Variants in ATP10B observed in about 807,000 individuals in gnomAD.
The protein encoded by ATP10B is phospholipid-transporting ATPase VB.
In ATP10B, 122 loss-of-function variants were observed where a neutral mutation model predicts 141.2. The ratio of observed to expected loss-of-function variants is 0.86; its 90% CI spans 0.75 to 1.00. The LOEUF is 1.00. Ranked by LOEUF, ATP10B falls within the 50% of genes least tolerant of loss-of-function variation. The probability of loss-of-function intolerance (pLI) is 0.00; values close to 1 mark genes in which losing one functional copy is unlikely to be tolerated. For missense variants in ATP10B, 1,876 were observed against 1,825.3 expected, an observed-to-expected ratio of 1.03 and a Z score of -0.51; for synonymous variants, 685 against 692.0, an observed-to-expected ratio of 0.99 and a Z score of 0.16.
chr5:160,674,657 A>AG lies in ATP10B; in HGVS notation c.471-3991dup, dbSNP rs1353232920. On this transcript the variant is annotated intron_variant, in intron 6 of 25. Coordinates refer to ENST00000327245, the MANE Select transcript of ATP10B (RefSeq NM_025153.3). ...GCCTTCCCCAAGACAGAGATAGCCC[A>AG]GTTCCAGGGTTGAGCTTCTCAAACA... Among the ~76,000 whole-genome samples, 4 of 152,256 alleles carry AG rather than the reference A, an allele frequency of 2.6e-5. No individual in the cohort carries two copies. The East Asian group carries it at 7.7e-4, about 29-fold the overall frequency.
rs1762616003 is a variant in ATP10B at position 160,670,541 on chromosome 5, T to C, written c.597A>G (p.Ile199Met). ...CCAAGCTGGCAGTTTCCAGATGGCA[T>C]ATCCCATTGGGGTCAGAGGAAAAAA... ...LLLFSSDPNG[I>M]CHLETASLDG... Residue 199 changes from isoleucine to methionine, a missense_variant, in exon 7 of 26, where the codon ATA (isoleucine) becomes ATG (methionine). Physicochemically the swap from Ile to Met is conservative, Grantham distance 10. Transcript: ENST00000327245. The C allele has an allele frequency of 1.2e-6, 2 of 1,614,020 alleles. No individual in the cohort carries two copies. The highest frequency in any genetic ancestry group is 1.7e-6 in the Non-Finnish European group (2 of 1,179,968).
chr5:160,910,652 G>C, the ATP10B span, among the ~76,000 whole-genome samples: 11 of 152,156 alleles, frequency 7.2e-5, no homozygotes, highest in African/African-American at 2.7e-4. Context: ...TATTTTACTA[G>C]TAAGATAATC....
intron 1 of ATP10B, among the ~76,000 whole-genome samples, chr5:160,792,402 C>T (rs986322324): frequency 9.9e-5 from 15 of 152,136 alleles, no homozygotes; most frequent in Non-Finnish European, 5.9e-5. Context: ...GTTGGTTGTG[C>T]AGCTAGAGAC....
the ATP10B span, among the ~76,000 whole-genome samples, chr5:160,866,636 T>C: frequency 0.013 from 1,929 of 152,184 alleles, 18 homozygotes; most frequent in Non-Finnish European, 0.019. Flanking sequence ...ATCACACCAT[T>C]GCACTCCAGC....
intron 7 of ATP10B, among the ~76,000 whole-genome samples, chr5:160,652,735 T>C (rs1490970377): frequency 8.0e-6 from 1 of 125,114 alleles, no homozygotes; most frequent in East Asian, 2.2e-4. Flanking sequence ...TATATACATA[T>C]ATTTATGTAC....
intron 1 of ATP10B, among the ~76,000 whole-genome samples, chr5:160,818,207 C>A (rs1038293598): frequency 5.3e-5 from 8 of 152,170 alleles, no homozygotes; most frequent in African/African-American, 1.9e-4. Flanking sequence ...TCAGTGTAAA[C>A]AGGCAACCTA....
the ATP10B span, among the ~76,000 whole-genome samples, chr5:160,876,638 G>T: frequency 1.3e-5 from 2 of 151,826 alleles, no homozygotes; most frequent in South Asian, 2.1e-4. Flanking sequence ...TAGACTGCTA[G>T]CAAGACTAAT....
chr5:160,735,267 T>C (rs1405503842), intron 2 of ATP10B, among the ~76,000 whole-genome samples: 1 of 151,670 alleles, frequency 6.6e-6, no homozygotes, highest in Non-Finnish European at 1.5e-5. Context: ...GCTTCACTTA[T>C]AAAGATACAT....
chr5:160,659,380 T>G (rs1761741174), intron 7 of ATP10B, among the ~76,000 whole-genome samples: 1 of 151,872 alleles, frequency 6.6e-6, no homozygotes, highest in African/African-American at 2.4e-5. Context: ...CAGGAGAATC[T>G]TTTGAACCCA....
intron 24 of ATP10B, among the ~76,000 whole-genome samples, chr5:160,582,976 C>T (rs1028812074): frequency 2.0e-5 from 3 of 152,144 alleles, no homozygotes; most frequent in Non-Finnish European, 4.4e-5. Context: ...TTAGCCATCC[C>T]TCTAATCTTT....
At chr5:160,865,917 A>G in the ATP10B span, among the ~76,000 whole-genome samples, 3 of 152,104 alleles carry the variant, frequency 2.0e-5, no homozygotes, top group Admixed American at 6.6e-5. Context: ...AAAACAATAG[A>G]TGTTGGTGTG....
At chr5:160,777,029 A>G (rs369077633) in intron 2 of ATP10B, among the ~76,000 whole-genome samples, 4 of 152,186 alleles carry the variant, frequency 2.6e-5, no homozygotes, top group African/African-American at 9.7e-5. Context: ...CCTGAGCCAG[A>G]CCCTGCCTCC....
the ATP10B span, among the ~76,000 whole-genome samples, chr5:160,878,502 A>G: frequency 6.6e-6 from 1 of 152,206 alleles, no homozygotes; most frequent in South Asian, 2.1e-4. Flanking sequence ...AAAACACCAA[A>G]AGCAATGGCA....
At chr5:160,874,235 C>T in the ATP10B span, among the ~76,000 whole-genome samples, 2 of 146,316 alleles carry the variant, frequency 1.4e-5, no homozygotes, top group Non-Finnish European at 3.0e-5. Flanking sequence ...CCCCTGACCC[C>T]TGAGCAGGCT....
chr5:160,818,256 A>T (rs1032652051), intron 1 of ATP10B, among the ~76,000 whole-genome samples: 1 of 152,248 alleles, frequency 6.6e-6, no homozygotes, highest in African/African-American at 2.4e-5. Flanking sequence ...CTCATCTGAC[A>T]AGGGGCTAAT....
At chr5:160,793,299 G>A (rs1190711846) in intron 1 of ATP10B, among the ~76,000 whole-genome samples, 6 of 151,548 alleles carry the variant, frequency 4.0e-5, no homozygotes, top group Non-Finnish European at 7.4e-5. Flanking sequence ...AATGCCTTGT[G>A]TCTGTATGTA....
intron 3 of ATP10B, among the ~76,000 whole-genome samples, chr5:160,704,914 C>CATCTTTTTTTTTTTTTTTT (rs1764895267): frequency 1.2e-5 from 1 of 83,624 alleles, no homozygotes; most frequent in Non-Finnish European, 2.0e-5. Flanking sequence ...TTTCTTTCAT[C>CATCTTTTTTTTTTTTTTTT]TTTTTTTTTT....
chr5:160,910,945 C>G, the ATP10B span, among the ~76,000 whole-genome samples: 1 of 152,158 alleles, frequency 6.6e-6, no homozygotes, highest in African/African-American at 2.4e-5. Context: ...TAAGTTCTTA[C>G]TCTTAGTTCC....
chr5:160,877,083 A>G, the ATP10B span, among the ~76,000 whole-genome samples: 15 of 152,192 alleles, frequency 9.9e-5, no homozygotes, highest in Admixed American at 9.8e-4. Flanking sequence ...GACAACCAAA[A>G]AAGAGAATTT....
Sources: gnomAD v4.1 joint callset for allele counts (sites outside exome capture counted in the v4.1 genomes callset) on GRCh38, gnomAD v4.1.1 for gene constraint, MANE v1.5 for transcripts, NCBI Gene and HGNC (gene_info 2026-07-23, HGNC 2026-07-21) for gene names.